ANO7: variants seen among roughly 807,000 people sequenced by gnomAD.
The protein encoded by ANO7 is anoctamin 7.
Under a neutral mutation model 115.8 loss-of-function variants are expected in ANO7, and 114 were observed. That is an observed-to-expected ratio of 0.98 (90% CI 0.85 to 1.15). The LOEUF (loss-of-function observed/expected upper bound fraction) is 1.15. Ranked by LOEUF, ANO7 falls within the 50% of genes most tolerant of loss-of-function variation. ANO7 has a pLI of 0.00. For missense variants in ANO7, 1,302 were observed against 1,201.2 expected, an observed-to-expected ratio of 1.08 and a Z score of -1.24; for synonymous variants, 550 against 498.2, an observed-to-expected ratio of 1.10 and a Z score of -1.38.
downstream of ANO7, chr2:241,230,104 G>T: frequency 6.3e-7 from 1 of 1,587,736 alleles, no homozygotes; most frequent in African/African-American, 1.3e-5. This position sits in a 1 kb window ranked among gnomAD's most constrained non-coding sequence, Gnocchi z 5.0. Context: ...GCCTCAGGCC[G>T]GTGGACGTGC....
the ANO7 span, among the ~76,000 whole-genome samples, chr2:241,232,917 GC>G: frequency 2.0e-5 from 3 of 152,026 alleles, no homozygotes; most frequent in Non-Finnish European, 2.9e-5. Flanking sequence ...GTGCAGGAGG[GC>G]CCTCCTGGCC....
chr2:241,197,284 G>A (rs2068363354), intron 4 of ANO7, among the ~76,000 whole-genome samples: 1 of 152,138 alleles, frequency 6.6e-6, no homozygotes. Context: ...ATTTTTAGTA[G>A]AGACGGGGTT....
intron 11 of ANO7, among the ~76,000 whole-genome samples, 182 bp from the exon 12 acceptor site, chr2:241,209,103 C>T (rs1435467958): frequency 5.3e-5 from 8 of 152,304 alleles, no homozygotes; most frequent in Admixed American, 2.6e-4. Flanking sequence ...GAGCCGAGAT[C>T]GCGCCACTGC....
rs1360041483 is a variant in ANO7, at chr2:241,203,092, C to T, written c.724-241C>T. On this transcript the variant is annotated intron_variant, in intron 8 of 24. Transcript: ENST00000674324. This position sits in a 1 kb window ranked among gnomAD's most constrained non-coding sequence, Gnocchi z 4.8. The stretch of plus-strand genomic sequence containing the variant: ...AGGGTGGCCTCTCCAGGCCCTTCCC[C>T]GCCCTGAACCCTCGAAGTCCAGGAG... Among the ~76,000 whole-genome samples the T allele has an allele frequency of 5.9e-5, 9 of 152,154 alleles. No homozygotes were observed. The South Asian group carries it at 8.3e-4, about 14-fold the overall frequency.
intron 3 of ANO7, among the ~76,000 whole-genome samples, chr2:241,192,065 A>G (rs998168257): frequency 6.6e-6 from 1 of 152,232 alleles, no homozygotes; most frequent in Non-Finnish European, 1.5e-5. Flanking sequence ...GGCCAGGCAC[A>G]GTGGCTCATG....
At chr2:241,209,921 A>G (rs961581349) in intron 13 of ANO7, among the ~76,000 whole-genome samples, 3 of 152,250 alleles carry the variant, frequency 2.0e-5, no homozygotes, top group Middle Eastern at 3.4e-3. Context: ...CGGGCACCCC[A>G]GCAGGGCCAT....
chr2:241,230,343 A>G (rs948824173), downstream of ANO7: 1 of 941,594 alleles, frequency 1.1e-6, no homozygotes, highest in East Asian at 2.4e-5. The surrounding 1 kb of genome is among the most constrained non-coding windows in gnomAD (Gnocchi z 5.0). Flanking sequence ...GTCAATTTCT[A>G]GTGAAGCATT....
In ANO7 at chr2:241,200,107, TCCAACTGGTCGGCCGG is replaced by T. The variant is rs1306480100; in HGVS notation, c.439_454del (p.Asn147CysfsTer29). 6.2e-6 allele frequency: 10 copies of T among 1,612,800 alleles called. No homozygotes were observed. The South Asian group carries it at 9.9e-5, about 16-fold the overall frequency. ...CTTCCAGGAGTTACCCAACCAGGCCTCCAACTGGTCGGCCGGCCTGCTGGCATGGCTGGGCATCCCC... is the reference window on the plus strand; with the variant it reads ...CTTCCAGGAGTTACCCAACCAGGCCTCCTGCTGGCATGGCTGGGCATCCCC... On this transcript the variant is annotated frameshift_variant, in exon 6 of 25. Transcript: ENST00000674324. LOFTEE classifies it high-confidence loss of function.
chr2:241,233,530 T>A, the ANO7 span, among the ~76,000 whole-genome samples: 9 of 152,096 alleles, frequency 5.9e-5, no homozygotes, highest in African/African-American at 2.2e-4. This position sits in a 1 kb window ranked among gnomAD's most constrained non-coding sequence, Gnocchi z 4.3. Flanking sequence ...GAGCTACACC[T>A]GGAGGCGCCA....
At chr2:241,190,208 G>T in intron 2 of ANO7, 37 bp downstream of exon 2, 1 of 1,524,324 alleles carries the variant, frequency 6.6e-7, no homozygotes, top group Non-Finnish European at 8.9e-7. Flanking sequence ...CGACTTGAGA[G>T]GTCCTCCCCT....
chr2:241,209,672 C>T (rs375362012), intron 13 of ANO7, 37 bp downstream of exon 13: 4 of 1,501,636 alleles, frequency 2.7e-6, no homozygotes, highest in Non-Finnish European at 3.5e-6. Flanking sequence ...ACGCCTCCAT[C>T]CTCCTGCACC....
intron 7 of ANO7, 79 bp from the exon 8 acceptor site, chr2:241,202,115 T>C: frequency 7.8e-7 from 1 of 1,279,310 alleles, no homozygotes; most frequent in Non-Finnish European, 1.1e-6. Flanking sequence ...GGCCTTGGCC[T>C]AAAGACAGGC....
At chr2:241,233,648 G>C in the ANO7 span, among the ~76,000 whole-genome samples, 1 of 152,132 alleles carries the variant, frequency 6.6e-6, no homozygotes, top group African/African-American at 2.4e-5. The surrounding 1 kb of genome is among the most constrained non-coding windows in gnomAD (Gnocchi z 4.3). Context: ...CACCCATCTG[G>C]CAAGTACCGA....
rs1169556704 is a variant in ANO7, at chr2:241,200,363, C to A, written c.554+138C>A. On this transcript the variant is annotated intron_variant, in intron 6 of 24. Transcript: ENST00000674324. ...CAGGGAATCTGAGGCCAGGTGCGCA[C>A]GCTTATCGCGTGTCTGCATTTCCAA... is the stretch of plus-strand genomic sequence containing the variant. 4 of 1,191,426 alleles carry A rather than the reference C, an allele frequency of 3.4e-6. No homozygotes were observed. The African/African-American group carries it at 6.1e-5, about 18-fold the overall frequency. 73.8% of individuals were successfully genotyped at this position (1,191,426 alleles called of 1,614,324 possible).
At chr2:241,198,992 G>A (rs1559441965) in intron 4 of ANO7, 3 of 355,078 alleles carry the variant, frequency 8.4e-6, no homozygotes, top group African/African-American at 4.2e-5. Context: ...CAGGAGGCAG[G>A]CGTGTGTCAG....
the ANO7 span, among the ~76,000 whole-genome samples, chr2:241,232,825 G>A: frequency 6.6e-6 from 1 of 151,562 alleles, no homozygotes; most frequent in South Asian, 2.1e-4. Flanking sequence ...TCAAAAAAAA[G>A]AACTAAACTC....
Position 241,224,419 on chromosome 2 carries a change from A to C in ANO7, c.*266A>C. ...AGACATAAGCCCAAGGGGCCCCTGC[A>C]CCCAAGGGACCCTGTCCCTCGGTGG... On this transcript the variant is annotated 3_prime_UTR_variant, in exon 25 of 25. Coordinates refer to ENST00000674324, the MANE Select transcript of ANO7 (RefSeq NM_001370694.2). 2.0e-6 allele frequency: 1 copy of C among 488,316 alleles called. No individual in the cohort carries two copies. The highest frequency in any genetic ancestry group is 3.7e-6 in the Non-Finnish European group (1 of 268,602). The allele number at this position is 488,316 out of a possible 1,614,324, so 30.2% of individuals were successfully genotyped here. A position where few individuals can be genotyped will look rare whatever the true frequency, so the allele number is the denominator to read the frequency against.
chr2:241,196,149 A>C, intron 4 of ANO7: 1 of 1,322,416 alleles, frequency 7.6e-7, no homozygotes, highest in Non-Finnish European at 9.7e-7. Flanking sequence ...TCCAACATTA[A>C]AGCTTTTGGG....
downstream of ANO7, chr2:241,230,180 G>A (rs1394374711): frequency 1.2e-6 from 2 of 1,613,546 alleles, no homozygotes; most frequent in African/African-American, 1.3e-5. The surrounding 1 kb of genome is among the most constrained non-coding windows in gnomAD (Gnocchi z 5.0). Context: ...TGAGGATGTG[G>A]TCGATGGCTT....
Sources: gnomAD v4.1 joint callset for allele counts (sites outside exome capture counted in the v4.1 genomes callset) on GRCh38, gnomAD v4.1.1 for gene constraint, Gnocchi (gnomAD v3.1) non-coding constraint, MANE v1.5 for transcripts, NCBI Gene and HGNC (gene_info 2026-07-23, HGNC 2026-07-21) for gene names.